PLD5: variants seen among roughly 807,000 people sequenced by gnomAD.
PLD5 encodes the protein phospholipase D family member 5.
A neutral mutation model predicts 61.1 loss-of-function variants in PLD5; 36 were observed. The ratio of observed to expected loss-of-function variants is 0.59; its 90% CI spans 0.45 to 0.78. The LOEUF (loss-of-function observed/expected upper bound fraction) is 0.78. Ranked by LOEUF, PLD5 falls within the 30% of genes least tolerant of loss-of-function variation. PLD5 has a pLI of 0.00. For missense variants in PLD5, 515 were observed against 644.4 expected, an observed-to-expected ratio of 0.80 and a Z score of 2.17; for synonymous variants, 243 against 242.8, an observed-to-expected ratio of 1.00 and a Z score of -0.01.
rs1325285758 is a variant in PLD5, at chr1:242,314,994, C to T, written c.327-26464G>A. Among the ~76,000 whole-genome samples, 8 of 152,306 alleles carry T rather than the reference C, an allele frequency of 5.3e-5. No individual in the cohort carries two copies. The South Asian group carries it at 1.4e-3, about 28-fold the overall frequency. On this transcript the variant is annotated intron_variant, in intron 2 of 9. Transcript: ENST00000536534. ...AAATACAACACATAGAAGAGCTGTG[C>T]ATTTTCCTTATTGTGTTCCCACACC...
intron 1 of PLD5, among the ~76,000 whole-genome samples, chr1:242,379,260 G>A (rs965356345): frequency 6.6e-6 from 1 of 152,136 alleles, no homozygotes; most frequent in African/African-American, 2.4e-5. Flanking sequence ...TATGTTCTTA[G>A]TTATAATCTA....
chr1:242,164,800 G>T (rs1666180049), intron 5 of PLD5, among the ~76,000 whole-genome samples: 1 of 152,140 alleles, frequency 6.6e-6, no homozygotes, highest in East Asian at 1.9e-4. Context: ...CAGTTGCTTA[G>T]CACTTCTATA....
intron 2 of PLD5, among the ~76,000 whole-genome samples, chr1:242,335,856 A>C (rs1388868978): frequency 6.6e-6 from 1 of 152,212 alleles, no homozygotes; most frequent in African/African-American, 2.4e-5. Context: ...ATGATGAAAA[A>C]GAAAGGCTCC....
chr1:242,126,559 GA>G lies in PLD5; in HGVS notation c.736-1895del, dbSNP rs1662800463. The stretch of plus-strand genomic sequence containing the variant: ...AATGCAAACAAAAACATAAAGTGGG[GA>G]AAGGACACGCTATTCAACAAATGGT... On this transcript the variant is annotated intron_variant, in intron 5 of 9. Coordinates refer to ENST00000536534, the MANE Select transcript of PLD5 (RefSeq NM_001372062.1). Among the ~76,000 whole-genome samples the G allele has an allele frequency of 2.0e-5, 3 of 152,168 alleles. No individual in the cohort carries two copies. In the South Asian group the frequency reaches 6.2e-4, roughly 32 times the overall value.
chr1:242,416,923 T>G (rs1273831043), intron 1 of PLD5, among the ~76,000 whole-genome samples: 1 of 152,202 alleles, frequency 6.6e-6, no homozygotes, highest in Non-Finnish European at 1.5e-5. Flanking sequence ...TTGGAGCCCC[T>G]GTTGTACACA....
chr1:242,315,282 A>G (rs192847762), intron 2 of PLD5, among the ~76,000 whole-genome samples: 1 of 152,342 alleles, frequency 6.6e-6, no homozygotes, highest in Admixed American at 6.5e-5. Flanking sequence ...AAATTAAGAC[A>G]CTTTAAATTC....
chr1:242,121,228 A>G (rs558074581), intron 6 of PLD5, among the ~76,000 whole-genome samples: 1 of 152,332 alleles, frequency 6.6e-6, no homozygotes, highest in Non-Finnish European at 1.5e-5. Context: ...GCTAGCACTA[A>G]GTGAAGTATT....
At chr1:242,393,893 C>G (rs1244940018) in intron 1 of PLD5, among the ~76,000 whole-genome samples, 1 of 145,450 alleles carries the variant, frequency 6.9e-6, no homozygotes, top group Non-Finnish European at 1.5e-5. Context: ...AACCCCGTCT[C>G]TACTAAAAAT....
chr1:242,406,446 C>T (rs576675584), intron 1 of PLD5, among the ~76,000 whole-genome samples: 31 of 152,202 alleles, frequency 2.0e-4, no homozygotes, highest in Non-Finnish European at 4.0e-4. Flanking sequence ...TTCTCAAAGG[C>T]TAATGAAAAA....
rs993120129 is a variant in PLD5 at position 242,458,866 on chromosome 1, T to C, written c.189+65222A>G. The stretch of plus-strand genomic sequence containing the variant: ...CTTGGGAATCTTTCCCTTCTATCCA[T>C]GTTATTAACAATATTCTACAGAAAA... On this transcript the variant is annotated intron_variant, in intron 1 of 9. Coordinates refer to ENST00000536534, the MANE Select transcript of PLD5 (RefSeq NM_001372062.1). Among the ~76,000 whole-genome samples the C allele has an allele frequency of 2.6e-5, 4 of 152,352 alleles. No homozygotes were observed. The East Asian group carries it at 7.7e-4, about 29-fold the overall frequency.
intron 2 of PLD5, among the ~76,000 whole-genome samples, chr1:242,336,655 T>C (rs1659529183): frequency 6.6e-6 from 1 of 152,184 alleles, no homozygotes; most frequent in Admixed American, 6.5e-5. Flanking sequence ...TTAGCAGTGT[T>C]TGCATCTGGG....
At position 242,178,650 on chromosome 1, in the gene PLD5, C is replaced by T. The variant is rs550586451; in HGVS notation, c.735+41338G>A. 7.2e-5 allele frequency among the ~76,000 whole-genome samples: 11 copies of T among 152,274 alleles called. No individual in the cohort carries two copies. The South Asian group carries it at 2.1e-3, about 29-fold the overall frequency. The stretch of plus-strand genomic sequence containing the variant: ...CCAGCTACAAATGCGTTAATTAACA[C>T]TCAAATCACAATGTAGTCTCCACAG... On this transcript the variant is annotated intron_variant, in intron 5 of 9. Coordinates refer to ENST00000536534, the MANE Select transcript of PLD5 (RefSeq NM_001372062.1).
Position 242,227,279 on chromosome 1 carries a change from G to A in PLD5, c.608-7164C>T, listed in dbSNP as rs183042320. 3.8e-4 allele frequency among the ~76,000 whole-genome samples: 57 copies of A among 151,616 alleles called. 1 individual carries two copies. The East Asian group carries it at 0.011, about 29-fold the overall frequency. ...TGCTCAGGCTGGCCTTGAACTCCTG[G>A]GTTAAAGCGATCCTCCAGCCATAGC... On this transcript the variant is annotated intron_variant, in intron 4 of 9. Coordinates refer to ENST00000536534, the MANE Select transcript of PLD5 (RefSeq NM_001372062.1).
intron 2 of PLD5, among the ~76,000 whole-genome samples, chr1:242,344,993 T>C (rs531430291): frequency 1.2e-4 from 18 of 152,230 alleles, no homozygotes; most frequent in African/African-American, 3.6e-4. Flanking sequence ...GATAAACCCA[T>C]CAGATCTCGT....
chr1:242,104,792 A>T (rs1051444724), intron 8 of PLD5, among the ~76,000 whole-genome samples: 1 of 152,208 alleles, frequency 6.6e-6, no homozygotes, highest in African/African-American at 2.4e-5. Context: ...AAACACTGGG[A>T]CTACAGGCAT....
intron 1 of PLD5, among the ~76,000 whole-genome samples, chr1:242,468,932 A>G (rs1667358568): frequency 1.3e-5 from 2 of 152,270 alleles, no homozygotes; most frequent in South Asian, 4.1e-4. Flanking sequence ...GAAAAAACTG[A>G]GACATGAGAA....
intron 4 of PLD5, among the ~76,000 whole-genome samples, chr1:242,229,027 A>G (rs890292911): frequency 3.3e-5 from 5 of 152,200 alleles, no homozygotes; most frequent in Non-Finnish European, 7.3e-5. Context: ...CAACTTTTAT[A>G]TGTGTGCTTT....
At chr1:242,207,856 AT>A in intron 5 of PLD5, among the ~76,000 whole-genome samples, 1 of 27,948 alleles carries the variant, frequency 3.6e-5, no homozygotes, top group Middle Eastern at 0.021. Context: ...ATATATTTAT[AT>A]ATTTATATAT....
intron 5 of PLD5, among the ~76,000 whole-genome samples, chr1:242,150,962 A>G (rs1234009862): frequency 1.3e-5 from 2 of 151,378 alleles, no homozygotes; most frequent in East Asian, 3.9e-4. Flanking sequence ...TTTATGCATT[A>G]TTTAAAATTT....
Sources: gnomAD v4.1 joint callset for allele counts (sites outside exome capture counted in the v4.1 genomes callset) on GRCh38, gnomAD v4.1.1 for gene constraint, MANE v1.5 for transcripts, NCBI Gene and HGNC (gene_info 2026-07-23, HGNC 2026-07-21) for gene names.